The following GTF2F2 variants were observed in gnomAD, a reference collection of about 807,000 sequenced individuals.
GTF2F2 encodes the protein general transcription factor IIF subunit 2.
Under a neutral mutation model 42.2 loss-of-function variants are expected in GTF2F2, and 23 were observed. The observed-to-expected ratio is 0.55, with a 90% CI of 0.39 to 0.77. The LOEUF (loss-of-function observed/expected upper bound fraction) is 0.77. GTF2F2 is among the 30% of genes least tolerant of loss of function. The pLI is 0.00. For synonymous variants in GTF2F2, 105 were observed against 100.8 expected (o/e 1.04, Z -0.25); for missense variants, 261 against 287.2 (o/e 0.91, Z 0.66).
chr13:45,240,375 A>AT (rs1269185213), intron 5 of GTF2F2, among the ~76,000 whole-genome samples: 4 of 152,030 alleles, frequency 2.6e-5, no homozygotes, highest in Non-Finnish European at 5.9e-5. Flanking sequence ...TGGAATATAG[A>AT]TATATATAGA....
chr13:45,279,722 A>T (rs568072679), intron 7 of GTF2F2, among the ~76,000 whole-genome samples: 1 of 152,192 alleles, frequency 6.6e-6, no homozygotes, highest in African/African-American at 2.4e-5. Flanking sequence ...CCTGGCCAAC[A>T]TGGAGAAACT....
At chr13:45,130,222 A>G (rs1280606813) in intron 1 of GTF2F2, among the ~76,000 whole-genome samples, 2 of 152,226 alleles carry the variant, frequency 1.3e-5, no homozygotes, top group African/African-American at 2.4e-5. Flanking sequence ...TTAGAATCCT[A>G]GTTTCACCGC....
intron 7 of GTF2F2, among the ~76,000 whole-genome samples, chr13:45,276,664 C>T (rs2138275649): frequency 6.6e-6 from 1 of 152,300 alleles, no homozygotes; most frequent in South Asian, 2.1e-4. Flanking sequence ...TGGTCTCGAG[C>T]TCCTGACCTC....
At chr13:45,261,425 CAAAAAAAAA>C (rs976923932) in intron 6 of GTF2F2, among the ~76,000 whole-genome samples, 2 of 58,890 alleles carry the variant, frequency 3.4e-5, no homozygotes, top group Admixed American at 2.0e-4. Flanking sequence ...GACTCCATCT[CAAAAAAAAA>C]AAAAAAAAAA....
At chr13:45,188,262 AT>A (rs1872505852) in intron 4 of GTF2F2, among the ~76,000 whole-genome samples, 2 of 152,198 alleles carry the variant, frequency 1.3e-5, no homozygotes, top group South Asian at 4.1e-4. Context: ...GTTATTGTAG[AT>A]TTTGACATGA....
At chr13:45,245,071 C>G (rs1875518051) in intron 5 of GTF2F2, among the ~76,000 whole-genome samples, 1 of 152,236 alleles carries the variant, frequency 6.6e-6, no homozygotes, top group East Asian at 1.9e-4. Flanking sequence ...CTGATATCTT[C>G]ATGTAAAACA....
At chr13:45,251,806 C>G (rs537463114) in intron 5 of GTF2F2, among the ~76,000 whole-genome samples, 2 of 152,222 alleles carry the variant, frequency 1.3e-5, no homozygotes, top group South Asian at 4.1e-4. Flanking sequence ...CAATTGTAAT[C>G]TAACTAGATA....
In GTF2F2 at chr13:45,191,224, A is replaced by AAAAAAAAAATATAT; in HGVS notation, c.305-16199_305-16198insAAAAAAAATATATA. On this transcript the variant is annotated intron_variant, in intron 4 of 7. Coordinates refer to ENST00000340473, the MANE Select transcript of GTF2F2 (RefSeq NM_004128.3). ...GTCTCTACTAAAAATACAAAAAAAA[A>AAAAAAAAAATATAT]ATATATATATATATATATATATATA... is the stretch of plus-strand genomic sequence containing the variant. Among the ~76,000 whole-genome samples the AAAAAAAAAATATAT allele has an allele frequency of 9.4e-4, 71 of 75,288 alleles. 2 individuals are homozygous for AAAAAAAAAATATAT. The highest frequency in any genetic ancestry group is 5.5e-3 in the African/African-American group (55 of 9,982). 49.4% of individuals were successfully genotyped at this position (75,288 alleles called of 152,430 possible). A position where few individuals can be genotyped will look rare whatever the true frequency, so the allele number is the denominator to read the frequency against.
At chr13:45,280,696 A>C (rs911032026) in intron 7 of GTF2F2, among the ~76,000 whole-genome samples, 1 of 152,248 alleles carries the variant, frequency 6.6e-6, no homozygotes, top group Non-Finnish European at 1.5e-5. Flanking sequence ...GAGGGTGGAC[A>C]TGAAAACAAC....
At chr13:45,123,148 A>G (rs1868752186) in intron 1 of GTF2F2, 1 of 151,830 alleles carries the variant, frequency 6.6e-6, no homozygotes, top group Admixed American at 6.6e-5. Context: ...ACTAGGGTTG[A>G]TTTGGCTAAT....
chr13:45,248,218 A>G (rs867642895), intron 5 of GTF2F2, among the ~76,000 whole-genome samples: 2 of 152,130 alleles, frequency 1.3e-5, no homozygotes, highest in Admixed American at 6.5e-5. Context: ...TTGTTACTTG[A>G]TACTTAATAG....
rs528938155 is a variant in GTF2F2 at position 45,218,867 on chromosome 13, A to G, written c.386+11362A>G. The stretch of plus-strand genomic sequence containing the variant: ...ATATTCCTAGTAGTTTGTCACTGAC[A>G]GTACAGGAACACCTGACTCCTAAGT... On this transcript the variant is annotated intron_variant, in intron 5 of 7. Transcript: ENST00000340473. 2.6e-5 allele frequency among the ~76,000 whole-genome samples: 4 copies of G among 152,320 alleles called. No individual in the cohort carries two copies. The East Asian group carries it at 5.8e-4, about 22-fold the overall frequency.
intron 4 of GTF2F2, among the ~76,000 whole-genome samples, chr13:45,172,299 T>C (rs1476633656): frequency 1.3e-5 from 2 of 152,232 alleles, no homozygotes; most frequent in African/African-American, 4.8e-5. Context: ...ATGATTGATG[T>C]TGAATATCTT....
intron 5 of GTF2F2, among the ~76,000 whole-genome samples, chr13:45,228,740 G>A (rs1043448305): frequency 2.1e-5 from 3 of 141,486 alleles, no homozygotes; most frequent in Non-Finnish European, 4.5e-5. Context: ...GCATGATCTC[G>A]TCTCACCGCA....
intron 1 of GTF2F2, among the ~76,000 whole-genome samples, chr13:45,136,031 T>C (rs1451969843): frequency 1.3e-5 from 2 of 152,260 alleles, no homozygotes; most frequent in African/African-American, 4.8e-5. Flanking sequence ...CAATATAGTG[T>C]ATTGGTTAAG....
intron 4 of GTF2F2, among the ~76,000 whole-genome samples, chr13:45,172,351 A>G (rs1428478103): frequency 6.6e-6 from 1 of 152,172 alleles, no homozygotes; most frequent in African/African-American, 2.4e-5. Context: ...ATTTGGACAA[A>G]TACCTATTCC....
At position 45,284,359 on chromosome 13, in the gene GTF2F2, G is replaced by A. The variant is rs1057291337; in HGVS notation, c.*798G>A. On this transcript the variant is annotated 3_prime_UTR_variant, in exon 8 of 8. Transcript: ENST00000340473. ...GGCAAATGATATCAGCAAATCAAAAGATGGGCGTAGGGGTCCAGCCGAGAC... is the reference window on the plus strand; with the variant it reads ...GGCAAATGATATCAGCAAATCAAAAAATGGGCGTAGGGGTCCAGCCGAGAC... 1 of 152,114 alleles carries A rather than the reference G, an allele frequency of 6.6e-6. No individual in the cohort carries two copies. Among genetic ancestry groups the A allele is most frequent in the Non-Finnish European group, 1.5e-5 (1 of 68,024 alleles). The allele number at this position is 152,114 out of a possible 1,614,324, so 9.4% of individuals were successfully genotyped here.
chr13:45,226,361 G>A (rs1310148645), intron 5 of GTF2F2, among the ~76,000 whole-genome samples: 2 of 151,934 alleles, frequency 1.3e-5, no homozygotes, highest in Non-Finnish European at 2.9e-5. Context: ...TTAGAGGGTG[G>A]GCCTTTTTCT....
At chr13:45,152,306 G>A (rs559643584) in intron 4 of GTF2F2, among the ~76,000 whole-genome samples, 1 of 152,246 alleles carries the variant, frequency 6.6e-6, no homozygotes, top group African/African-American at 2.4e-5. Flanking sequence ...TCTCTGCTCT[G>A]TGTACTTTCT....
Sources: gnomAD v4.1 joint callset for allele counts (sites outside exome capture counted in the v4.1 genomes callset) on GRCh38, gnomAD v4.1.1 for gene constraint, MANE v1.5 for transcripts, NCBI Gene and HGNC (gene_info 2026-07-23, HGNC 2026-07-21) for gene names.